Variants in PLEKHG4B observed in about 807,000 individuals in gnomAD.
PLEKHG4B encodes pleckstrin homology domain-containing family G member 4B.
PLEKHG4B carries 111 observed loss-of-function variants against 121.3 expected under a neutral mutation model. The ratio of observed to expected loss-of-function variants is 0.92; its 90% CI spans 0.78 to 1.07. The LOEUF (loss-of-function observed/expected upper bound fraction) is 1.07. PLEKHG4B is among the 50% of genes least tolerant of loss of function. PLEKHG4B has a pLI of 0.00. For missense variants in PLEKHG4B, 1,831 were observed against 1,757.8 expected, an observed-to-expected ratio of 1.04 and a Z score of -0.74; for synonymous variants, 738 against 725.0, an observed-to-expected ratio of 1.02 and a Z score of -0.29.
intron 12 of PLEKHG4B, among the ~76,000 whole-genome samples, chr5:162,487 A>G (rs1736048794): frequency 6.6e-6 from 1 of 152,214 alleles, no homozygotes; most frequent in Non-Finnish European, 1.5e-5. Context: ...TGGTCCTAGG[A>G]CATCCCCCAC....
intron 6 of PLEKHG4B, among the ~76,000 whole-genome samples, chr5:145,439 C>T (rs1359868547): frequency 6.6e-6 from 1 of 152,222 alleles, no homozygotes; most frequent in Non-Finnish European, 1.5e-5. Flanking sequence ...CAGGTCCCTG[C>T]AGCCTCGAAT....
intron 14 of PLEKHG4B, among the ~76,000 whole-genome samples, chr5:170,453 C>T (rs1408595247): frequency 2.0e-5 from 3 of 152,134 alleles, no homozygotes; most frequent in Non-Finnish European, 4.4e-5. Context: ...CAGGCGCCGC[C>T]ACCACGCCCG....
At chr5:107,526 G>A (rs1196281414) in intron 1 of PLEKHG4B, among the ~76,000 whole-genome samples, 3 of 152,214 alleles carry the variant, frequency 2.0e-5, no homozygotes, top group South Asian at 2.1e-4. Flanking sequence ...CTCATGCAGC[G>A]AGACCTTCTT....
rs767957799 is a variant in PLEKHG4B, at chr5:162,863, C to T, written c.2791C>T (p.His931Tyr). ...GGCAGGTGTGGCAGTGCTGAAGCCT[C>T]ATGCCCTGGGGAAACCGTGGGCATC... ...PGAGVAVLKP[H>Y]ALGKPWASQQ... Residue 931 changes from histidine to tyrosine, a missense_variant, in exon 13 of 20, where the codon CAT becomes TAT. Physicochemically the swap from His to Tyr is moderately conservative, Grantham distance 83 (BLOSUM62 2). Coordinates refer to ENST00000637938, the MANE Select transcript of PLEKHG4B (RefSeq NM_052909.5). 1.2e-5 allele frequency: 18 copies of T among 1,519,460 alleles called. No individual in the cohort carries two copies. The highest frequency in any genetic ancestry group is 1.4e-5 in the Non-Finnish European group (16 of 1,132,546). The allele number at this position is 1,519,460 out of a possible 1,614,324, so 94.1% of individuals were successfully genotyped here.
chr5:144,361 A>G (rs1021972220), intron 5 of PLEKHG4B, among the ~76,000 whole-genome samples: 2 of 152,240 alleles, frequency 1.3e-5, no homozygotes, highest in African/African-American at 4.8e-5. Flanking sequence ...AAGATGTTCT[A>G]ACAGTCTTAG....
chr5:106,663 C>T lies in PLEKHG4B; in HGVS notation c.46-6588C>T, dbSNP rs182918340. Among the ~76,000 whole-genome samples the T allele has an allele frequency of 4.2e-3, 637 of 152,300 alleles. 5 individuals are homozygous for T. Among genetic ancestry groups the T allele is most frequent in the African/African-American group, 0.014 (594 of 41,550 alleles). ...CAAGCTCCATGCATTGCTGAATTTACGAGTGGCTCCCCCTGCAGCAGGGTG... is the reference window on the plus strand; with the variant it reads ...CAAGCTCCATGCATTGCTGAATTTATGAGTGGCTCCCCCTGCAGCAGGGTG... On this transcript the variant is annotated intron_variant, in intron 1 of 19. Coordinates refer to ENST00000637938, the MANE Select transcript of PLEKHG4B (RefSeq NM_052909.5).
chr5:111,106 C>CA (rs758817043), intron 1 of PLEKHG4B, among the ~76,000 whole-genome samples: 1 of 152,278 alleles, frequency 6.6e-6, no homozygotes, highest in Non-Finnish European at 1.5e-5. Context: ...GTGGCACCCC[C>CA]AAAGGTGCTC....
intron 6 of PLEKHG4B, among the ~76,000 whole-genome samples, chr5:146,443 C>A (rs977846351): frequency 3.4e-5 from 5 of 148,230 alleles, no homozygotes; most frequent in African/African-American, 1.3e-4. Flanking sequence ...TTCCCTAACC[C>A]TGCAGCCATC....
intron 6 of PLEKHG4B, among the ~76,000 whole-genome samples, chr5:150,801 A>G (rs1179834081): frequency 1.3e-5 from 2 of 152,184 alleles, no homozygotes. Flanking sequence ...TGGTACAGCC[A>G]CTCTGGAAAA....
In PLEKHG4B at chr5:144,822, C is replaced by G; in HGVS notation, c.1812-5C>G. On this transcript the variant is annotated splice_polypyrimidine_tract_variant and splice_region_variant and intron_variant, in intron 5 of 19. Transcript: ENST00000637938. ...GGTTAAGATGGGCTGTCTTTCCCTCCCCAGGAAAGAGGTCCGGGACCTGGG... is the reference window on the plus strand; with the variant it reads ...GGTTAAGATGGGCTGTCTTTCCCTCGCCAGGAAAGAGGTCCGGGACCTGGG... 4 of 1,610,928 alleles carry G rather than the reference C, an allele frequency of 2.5e-6. No individual in the cohort carries two copies. Among genetic ancestry groups the G allele is most frequent in the Non-Finnish European group, 3.4e-6 (4 of 1,177,808 alleles).
intron 19 of PLEKHG4B, 56 bp from the exon 20 acceptor site, chr5:181,948 C>G: frequency 6.4e-7 from 1 of 1,557,556 alleles, no homozygotes; most frequent in South Asian, 1.1e-5. Context: ...ATTCCCGAAC[C>G]TGGGCTGCAC....
In PLEKHG4B at chr5:172,946, T is replaced by C. The variant is rs1736615908; in HGVS notation, c.4100T>C (p.Val1367Ala). Reference sequence around the variant, plus strand: ...CTGAGATGCCGGGATGAGTTTATCGTTTGCTGCGGGAGGAAGAAGTATCTG... The same window carrying C: ...CTGAGATGCCGGGATGAGTTTATCGCTTGCTGCGGGAGGAAGAAGTATCTG... Reference protein sequence around the residue: ...GQLRCRDEFIVCCGRKKYLRH... With the variant: ...GQLRCRDEFIACCGRKKYLRH... The change falls in exon 17 of 20, where the codon GTT becomes GCT. Residue 1367 changes from valine to alanine, a missense_variant. Physicochemically the swap from Val to Ala is moderately conservative, Grantham distance 64 (BLOSUM62 0). Transcript: ENST00000637938. 1 of 1,614,194 alleles carries C rather than the reference T, an allele frequency of 6.2e-7. No individual in the cohort carries two copies. The highest frequency in any genetic ancestry group is 8.5e-7 in the Non-Finnish European group (1 of 1,180,036).
chr5:124,238 G>C (rs1238627003), intron 2 of PLEKHG4B, among the ~76,000 whole-genome samples: 1 of 152,108 alleles, frequency 6.6e-6, no homozygotes, highest in Non-Finnish European at 1.5e-5. Flanking sequence ...AGTTTACCGA[G>C]ACTTAATTTG....
At chr5:130,761 C>G (rs556318699) in intron 2 of PLEKHG4B, among the ~76,000 whole-genome samples, 21 of 152,294 alleles carry the variant, frequency 1.4e-4, no homozygotes, top group Admixed American at 1.2e-3. Context: ...GAGAAGACAT[C>G]AAAATGAGAG....
rs115402039 is a variant in PLEKHG4B at position 110,153 on chromosome 5, C to T, written c.46-3098C>T. Among the ~76,000 whole-genome samples, 1,146 of 148,792 alleles carry T rather than the reference C, an allele frequency of 7.7e-3. 22 individuals are homozygous for T. The highest frequency in any genetic ancestry group is 0.027 in the African/African-American group (1,087 of 40,148). ...AGTCTGCAACACACGTGCACACATC[C>T]AGTCTGCAACACGTGCACACACCGG... is the stretch of plus-strand genomic sequence containing the variant. On this transcript the variant is annotated intron_variant, in intron 1 of 19. Transcript: ENST00000637938.
At chr5:162,039 G>T (rs948389510) in intron 12 of PLEKHG4B, 95 bp downstream of exon 12, 1 of 1,445,832 alleles carries the variant, frequency 6.9e-7, no homozygotes, top group African/African-American at 1.4e-5. Flanking sequence ...GAGTGGGCCA[G>T]GCTGTGGGAC....
At chr5:107,814 A>G (rs1404924291) in intron 1 of PLEKHG4B, among the ~76,000 whole-genome samples, 4 of 152,158 alleles carry the variant, frequency 2.6e-5, no homozygotes, top group African/African-American at 7.2e-5. Context: ...GAGAGCAGCT[A>G]GCATCACCAC....
intron 2 of PLEKHG4B, among the ~76,000 whole-genome samples, chr5:128,209 C>A (rs1160882541): frequency 6.6e-6 from 1 of 152,188 alleles, no homozygotes; most frequent in African/African-American, 2.4e-5. Flanking sequence ...AGAGTCTTTA[C>A]AGATACAAAT....
intron 2 of PLEKHG4B, among the ~76,000 whole-genome samples, chr5:114,208 G>A: frequency 6.6e-6 from 1 of 152,150 alleles, no homozygotes; most frequent in East Asian, 1.9e-4. Context: ...AGGCTGGGGT[G>A]GCTGTGGCAG....
Sources: gnomAD v4.1 joint callset for allele counts (sites outside exome capture counted in the v4.1 genomes callset) on GRCh38, gnomAD v4.1.1 for gene constraint, MANE v1.5 for transcripts, NCBI Gene and HGNC (gene_info 2026-07-23, HGNC 2026-07-21) for gene names.